The following ARHGEF10 variants were observed in gnomAD, a reference collection of about 807,000 sequenced individuals.
ARHGEF10 encodes the protein Rho guanine nucleotide exchange factor 10.
ARHGEF10 carries 140 observed loss-of-function variants against 147.4 expected under a neutral mutation model. The ratio of observed to expected loss-of-function variants is 0.95; its 90% CI spans 0.83 to 1.09. The LOEUF (loss-of-function observed/expected upper bound fraction) is 1.09, where lower values mean the gene tolerates loss of function less well. Among genes scored for constraint, ARHGEF10 ranks in the 50% least tolerant of loss-of-function variants. The probability of loss-of-function intolerance (pLI) is 0.00; values close to 1 mark genes in which losing one functional copy is unlikely to be tolerated. For missense variants in ARHGEF10, 2,222 were observed against 1,752.7 expected, an observed-to-expected ratio of 1.27 and a Z score of -4.78; for synonymous variants, 902 against 695.8, an observed-to-expected ratio of 1.30 and a Z score of -4.67.
intron 18 of ARHGEF10, among the ~76,000 whole-genome samples, chr8:1,920,781 G>GTT (rs143762058): frequency 0.019 from 2,830 of 149,118 alleles, 37 homozygotes; most frequent in South Asian, 0.03. Flanking sequence ...TTGCTCTTTC[G>GTT]TTTTTTTTTG....
intron 1 of ARHGEF10, among the ~76,000 whole-genome samples, chr8:1,833,621 C>A (rs573124442): frequency 6.6e-6 from 1 of 152,210 alleles, no homozygotes; most frequent in Non-Finnish European, 1.5e-5. Flanking sequence ...GCTCTCTGGT[C>A]TCTTCCCAGC....
intron 2 of ARHGEF10, among the ~76,000 whole-genome samples, chr8:1,844,435 C>G (rs7007807): frequency 0.29 from 12,882 of 44,696 alleles, 1,491 homozygotes; most frequent in Non-Finnish European, 0.32. Context: ...CCGGGGCCTG[C>G]TGGACGACAG....
At position 1,905,588 on chromosome 8, in the gene ARHGEF10, C is replaced by G. The variant is rs753668896; in HGVS notation, c.1839C>G (p.Ser613Arg). 68 of 1,614,060 alleles carry G rather than the reference C, an allele frequency of 4.2e-5. No homozygotes were observed. Among genetic ancestry groups the G allele is most frequent in the Middle Eastern group, 1.6e-4 (1 of 6,084 alleles). Residue 613 changes from serine to arginine, a missense_variant, in exon 17 of 29, where the codon AGC becomes AGG. Transcript: ENST00000349830. ...ATGTCCAGCTTCTCAGCAGTGGAAG[C>G]CGATACCTCATTCGATCAGATGATA... Reference protein sequence around the residue: ...RYLNKLLSSGSRYLIRSDDMI... With the variant: ...RYLNKLLSSGRRYLIRSDDMI...
Position 1,929,314 on chromosome 8 carries a change from T to G in ARHGEF10, c.2950T>G (p.Ser984Ala), listed in dbSNP as rs17683288. The change falls in exon 25 of 29, where the codon TCC becomes GCC. Residue 984 changes from serine (S) to alanine (A), a missense_variant. Coordinates refer to ENST00000349830, the MANE Select transcript of ARHGEF10 (RefSeq NM_014629.4). ...SISIYKSSQG[S>A]KKVRLQHFFT... The stretch of plus-strand genomic sequence containing the variant: ...TTCCATTTATAAAAGCAGTCAAGGC[T>G]CCAAGAAAGTGAGACTTCAGCACTT... 0.063 allele frequency: 102,279 copies of G among 1,613,890 alleles called. 3,648 individuals carry two copies. Among genetic ancestry groups the G allele is most frequent in the Middle Eastern group, 0.095 (568 of 5,974 alleles).
chr8:1,917,322 A>G (rs559884712), intron 18 of ARHGEF10, among the ~76,000 whole-genome samples: 1 of 152,292 alleles, frequency 6.6e-6, no homozygotes, highest in Non-Finnish European at 1.5e-5. Context: ...AGTTTTGTAC[A>G]TTTGCCTTAA....
chr8:1,955,446 A>T (rs1369773688), intron 28 of ARHGEF10, among the ~76,000 whole-genome samples: 1 of 115,512 alleles, frequency 8.7e-6, no homozygotes, highest in African/African-American at 3.2e-5. Flanking sequence ...GTGCACTCTC[A>T]CTGTTTCTCT....
chr8:1,898,381 G>C (rs1007691800), intron 14 of ARHGEF10, 52 bp from the exon 15 acceptor site: 3 of 1,540,120 alleles, frequency 1.9e-6, no homozygotes, highest in African/African-American at 2.7e-5. Flanking sequence ...CCCAGGGGCA[G>C]GGAGGGCATG....
At chr8:1,846,417 C>G (rs530732993) in intron 2 of ARHGEF10, among the ~76,000 whole-genome samples, 1 of 152,214 alleles carries the variant, frequency 6.6e-6, no homozygotes, top group Non-Finnish European at 1.5e-5. Context: ...CAACCGTCCA[C>G]TTAAAAGTGC....
In ARHGEF10 at chr8:1,843,387, C is replaced by G. The variant is rs772353024; in HGVS notation, c.-13C>G. The G allele has an allele frequency of 6.2e-7, 1 of 1,613,174 alleles. No homozygotes were observed. Among genetic ancestry groups the G allele is most frequent in the South Asian group, 1.1e-5 (1 of 91,070 alleles). On this transcript the variant is annotated 5_prime_UTR_variant, in exon 2 of 29. It adds an upstream start codon to the 5' untranslated region. Transcript: ENST00000349830. ...CCCTTAACAGAGCTGAGAGAGGCAT[C>G]TGGAGCTGCAGCATGGACCAGCGAG...
chr8:1,865,097 T>TGTTTC (rs1381808559), intron 5 of ARHGEF10, among the ~76,000 whole-genome samples: 1 of 152,262 alleles, frequency 6.6e-6, no homozygotes, highest in Non-Finnish European at 1.5e-5. Context: ...TTTAAAATAG[T>TGTTTC]GTTTCTGTTT....
intron 13 of ARHGEF10, among the ~76,000 whole-genome samples, chr8:1,895,379 C>T (rs1265830446): frequency 2.0e-5 from 3 of 152,188 alleles, no homozygotes; most frequent in Non-Finnish European, 4.4e-5. Flanking sequence ...AAGTGTTCCT[C>T]TTCTTAAATG....
chr8:1,923,168 G>C, intron 19 of ARHGEF10, 89 bp downstream of exon 19: 1 of 1,054,038 alleles, frequency 9.5e-7, no homozygotes, highest in Non-Finnish European at 1.4e-6. Flanking sequence ...TCTACCAGAA[G>C]TGAGAATTCA....
chr8:1,850,780 A>G (rs1397738564), intron 2 of ARHGEF10, among the ~76,000 whole-genome samples: 2 of 152,220 alleles, frequency 1.3e-5, no homozygotes, highest in Admixed American at 6.5e-5. Flanking sequence ...CATAATTGCC[A>G]GAACCCAGAA....
At chr8:1,906,499 C>G (rs1231122421) in intron 17 of ARHGEF10, among the ~76,000 whole-genome samples, 1 of 152,188 alleles carries the variant, frequency 6.6e-6, no homozygotes, top group African/African-American at 2.4e-5. Flanking sequence ...TTTGCCAGCA[C>G]ACCACTAAAC....
intron 23 of ARHGEF10, among the ~76,000 whole-genome samples, chr8:1,928,067 TA>T: frequency 6.6e-6 from 1 of 152,366 alleles, no homozygotes; most frequent in East Asian, 1.9e-4. Flanking sequence ...GGTCATTGAA[TA>T]TTAGTGTTAA....
At chr8:1,912,938 A>C (rs1368591755) in intron 18 of ARHGEF10, among the ~76,000 whole-genome samples, 1 of 151,756 alleles carries the variant, frequency 6.6e-6, no homozygotes, top group Non-Finnish European at 1.5e-5. Flanking sequence ...TTGTTGGTGC[A>C]CTCCACCCGG....
chr8:1,849,595 A>G (rs1035368873), intron 2 of ARHGEF10, among the ~76,000 whole-genome samples: 2 of 142,002 alleles, frequency 1.4e-5, no homozygotes, highest in Non-Finnish European at 3.0e-5. Flanking sequence ...CTGCGTGGAC[A>G]CAGACGGCAA....
intron 6 of ARHGEF10, among the ~76,000 whole-genome samples, chr8:1,868,026 T>C (rs1429543732): frequency 6.6e-6 from 1 of 152,238 alleles, no homozygotes; most frequent in African/African-American, 2.4e-5. Context: ...TTTTTTCTCA[T>C]TACTCATTTT....
intron 4 of ARHGEF10, among the ~76,000 whole-genome samples, chr8:1,860,574 C>T (rs753268156): frequency 6.6e-6 from 1 of 152,164 alleles, no homozygotes; most frequent in Non-Finnish European, 1.5e-5. Context: ...GGAAAATGAG[C>T]CCCTAGTTCA....
Sources: gnomAD v4.1 joint callset for allele counts (sites outside exome capture counted in the v4.1 genomes callset) on GRCh38, gnomAD v4.1.1 for gene constraint, MANE v1.5 for transcripts, NCBI Gene and HGNC (gene_info 2026-07-23, HGNC 2026-07-21) for gene names.